The following MGMT variants were observed in gnomAD, a reference collection of about 807,000 sequenced individuals.
MGMT encodes the protein methylated-DNA--protein-cysteine methyltransferase.
A neutral mutation model predicts 15.9 loss-of-function variants in MGMT; 14 were observed. The observed-to-expected ratio is 0.88, with a 90% CI of 0.58 to 1.37. The LOEUF is 1.37. Ranked by LOEUF, MGMT falls within the 40% of genes most tolerant of loss-of-function variation. MGMT has a pLI of 0.00. For missense variants in MGMT, 282 were observed against 268.1 expected, an observed-to-expected ratio of 1.05 and a Z score of -0.36; for synonymous variants, 130 against 118.2, an observed-to-expected ratio of 1.10 and a Z score of -0.65.
chr10:129,672,608 G>T (rs1847737211), intron 2 of MGMT, among the ~76,000 whole-genome samples: 1 of 152,060 alleles, frequency 6.6e-6, no homozygotes, highest in Admixed American at 6.5e-5. Flanking sequence ...TTGCTACTGT[G>T]CCTAATTTGG....
At chr10:129,738,103 C>T (rs1011689145) in intron 3 of MGMT, among the ~76,000 whole-genome samples, 4 of 152,246 alleles carry the variant, frequency 2.6e-5, no homozygotes, top group East Asian at 3.8e-4. Context: ...TTCCCGGCTG[C>T]GTTGTTAACC....
chr10:129,573,589 C>G (rs529785777), intron 2 of MGMT, among the ~76,000 whole-genome samples: 1 of 151,580 alleles, frequency 6.6e-6, no homozygotes, highest in South Asian at 2.1e-4. Flanking sequence ...ATATTTTCAT[C>G]TCTATTTATT....
At chr10:129,591,317 G>C (rs144025278) in intron 2 of MGMT, among the ~76,000 whole-genome samples, 210 of 152,324 alleles carry the variant, frequency 1.4e-3, no homozygotes, top group African/African-American at 4.9e-3. Context: ...GCAGAGCGAG[G>C]AGTGAAATGA....
chr10:129,690,275 T>C (rs1048360500), intron 2 of MGMT, among the ~76,000 whole-genome samples: 1 of 152,246 alleles, frequency 6.6e-6, no homozygotes, highest in Non-Finnish European at 1.5e-5. Context: ...CAAGAGAATA[T>C]AGCAAAGTAG....
chr10:129,728,553 G>GCC, intron 3 of MGMT, among the ~76,000 whole-genome samples: 1 of 152,220 alleles, frequency 6.6e-6, no homozygotes, highest in African/African-American at 2.4e-5. Context: ...GTCAGACCCA[G>GCC]CCCTCTCATG....
At chr10:129,760,927 T>G (rs1848865469) in intron 4 of MGMT, among the ~76,000 whole-genome samples, 1 of 152,200 alleles carries the variant, frequency 6.6e-6, no homozygotes, top group Non-Finnish European at 1.5e-5. Context: ...TCAGCTACAT[T>G]GTCATAAAAC....
At chr10:129,713,758 C>T (rs1848259749) in intron 3 of MGMT, among the ~76,000 whole-genome samples, 1 of 152,078 alleles carries the variant, frequency 6.6e-6, no homozygotes, top group Non-Finnish European at 1.5e-5. Context: ...GAGCTGGGGA[C>T]GTTTACTTAC....
intron 3 of MGMT, among the ~76,000 whole-genome samples, chr10:129,757,553 T>G (rs1848821622): frequency 6.6e-6 from 1 of 152,190 alleles, no homozygotes; most frequent in African/African-American, 2.4e-5. Context: ...ACGTGCTGCT[T>G]TCATTGTTTC....
At chr10:129,544,068 A>C (rs904889557) in intron 2 of MGMT, among the ~76,000 whole-genome samples, 1 of 152,046 alleles carries the variant, frequency 6.6e-6, no homozygotes, top group African/African-American at 2.4e-5. Context: ...ATAAGTTTCC[A>C]TTTAAGAGTC....
chr10:129,471,576 C>T (rs1762433), intron 1 of MGMT, among the ~76,000 whole-genome samples: 70,239 of 151,744 alleles, frequency 0.46, 18,381 homozygotes, highest in East Asian at 0.65. Context: ...ACCTGTTGCT[C>T]TCCGTAAAGT....
chr10:129,648,139 T>C (rs1847417963), intron 2 of MGMT, among the ~76,000 whole-genome samples: 1 of 152,220 alleles, frequency 6.6e-6, no homozygotes, highest in Non-Finnish European at 1.5e-5. Context: ...AATACAATAT[T>C]AGAAACACAT....
In MGMT at chr10:129,467,264, C is replaced by G; in HGVS notation, c.-45C>G. On this transcript the variant is annotated 5_prime_UTR_variant, in exon 1 of 5. Coordinates refer to ENST00000651593, the MANE Select transcript of MGMT (RefSeq NM_002412.5). ...AGAACGCTTTGCGTCCCGACGCCCG[C>G]AGGTCCTCGCGGTGCGCACCGTTTG... 6.5e-7 allele frequency: 1 copy of G among 1,544,912 alleles called. No homozygotes were observed. Among genetic ancestry groups the G allele is most frequent in the East Asian group, 2.5e-5 (1 of 39,872 alleles).
chr10:129,744,364 ACCTGGTAGCC>A (rs1848669789), intron 3 of MGMT, among the ~76,000 whole-genome samples: 1 of 152,324 alleles, frequency 6.6e-6, no homozygotes, highest in African/African-American at 2.4e-5. Flanking sequence ...GTCCAAACTA[ACCTGGTAGCC>A]CAGTCCCATG....
At chr10:129,572,583 G>T (rs1231672084) in intron 2 of MGMT, among the ~76,000 whole-genome samples, 3 of 152,204 alleles carry the variant, frequency 2.0e-5, no homozygotes, top group Admixed American at 2.0e-4. Context: ...AAGTGTGGAA[G>T]TCAAGCATAC....
intron 1 of MGMT, among the ~76,000 whole-genome samples, chr10:129,517,830 C>T (rs1010759500): frequency 2.6e-5 from 4 of 152,196 alleles, no homozygotes; most frequent in Admixed American, 6.5e-5. Flanking sequence ...ACTGCGACGC[C>T]GCAGCCCGGG....
intron 3 of MGMT, among the ~76,000 whole-genome samples, chr10:129,742,196 G>A (rs1331009125): frequency 3.9e-5 from 6 of 152,236 alleles, no homozygotes; most frequent in Admixed American, 2.6e-4. Context: ...GGGAGGTCAT[G>A]TGCCTACTGG....
intron 2 of MGMT, among the ~76,000 whole-genome samples, chr10:129,695,938 G>A (rs1010927560): frequency 4.6e-5 from 7 of 152,184 alleles, no homozygotes; most frequent in African/African-American, 1.7e-4. Flanking sequence ...ATGTGGGCTT[G>A]TCATGATTCG....
chr10:129,604,105 A>G (rs974553803), intron 2 of MGMT, among the ~76,000 whole-genome samples: 2 of 152,134 alleles, frequency 1.3e-5, no homozygotes. Flanking sequence ...TTCTAAATCA[A>G]TTTACTGATG....
At chr10:129,648,285 G>C (rs1847419505) in intron 2 of MGMT, among the ~76,000 whole-genome samples, 2 of 152,116 alleles carry the variant, frequency 1.3e-5, no homozygotes, top group Non-Finnish European at 2.9e-5. Context: ...GTGTAAGGTA[G>C]CACAATTTTC....
Sources: allele counts gnomAD v4.1 joint callset (sites outside exome capture counted in the v4.1 genomes callset), GRCh38; gene constraint gnomAD v4.1.1; transcripts MANE v1.5; gene names NCBI Gene and HGNC (gene_info 2026-07-23, HGNC 2026-07-21).